The following KLHL18 variants were observed in gnomAD, a reference collection of about 807,000 sequenced individuals.
KLHL18 encodes kelch-like protein 18.
KLHL18 carries 38 observed loss-of-function variants against 58.5 expected under a neutral mutation model. The ratio of observed to expected loss-of-function variants is 0.65; its 90% CI spans 0.50 to 0.85. KLHL18 has a LOEUF of 0.85. Among genes scored for constraint, KLHL18 ranks in the 40% least tolerant of loss-of-function variants. The pLI, the probability that KLHL18 is intolerant of heterozygous loss-of-function variation, is 0.00. For missense variants in KLHL18, 624 were observed against 778.4 expected, an observed-to-expected ratio of 0.80 and a Z score of 2.36; for synonymous variants, 303 against 301.9, an observed-to-expected ratio of 1.00 and a Z score of -0.04.
At position 47,338,969 on chromosome 3, in the gene KLHL18, G is replaced by A. The variant is rs543956621; in HGVS notation, c.1122-1603G>A. On this transcript the variant is annotated intron_variant, in intron 7 of 9. Coordinates refer to ENST00000232766, the MANE Select transcript of KLHL18 (RefSeq NM_025010.5). ...ATTTGTGCTGAATTCCTTATAAGGC[G>A]TTGTGTAGGAGGGAAGATTACATGA... 44 of 152,314 alleles carry A rather than the reference G, an allele frequency of 2.9e-4. 1 individual carries two copies. Among genetic ancestry groups the A allele is most frequent in the Admixed American group, 1.3e-3 (20 of 15,302 alleles). The allele number at this position is 152,314 out of a possible 1,614,324, so 9.4% of individuals were successfully genotyped here. A position where few individuals can be genotyped will look rare whatever the true frequency, so the allele number is the denominator to read the frequency against.
At chr3:47,323,584 G>T (rs1033033711) in intron 3 of KLHL18, among the ~76,000 whole-genome samples, 5 of 152,128 alleles carry the variant, frequency 3.3e-5, no homozygotes, top group Admixed American at 6.6e-5. Context: ...TGCCTGAGCA[G>T]TTAAGAAGGC....
At chr3:47,303,336 G>A (rs1358996994) in intron 1 of KLHL18, among the ~76,000 whole-genome samples, 1 of 152,178 alleles carries the variant, frequency 6.6e-6, no homozygotes, top group East Asian at 1.9e-4. Flanking sequence ...TTTAGAGGCT[G>A]AGTTAGAGAC....
At chr3:47,329,372 C>T (rs935181150) in intron 3 of KLHL18, among the ~76,000 whole-genome samples, 5 of 152,036 alleles carry the variant, frequency 3.3e-5, no homozygotes, top group African/African-American at 7.2e-5. Flanking sequence ...GGACTACAGG[C>T]GCCCGCCACC....
chr3:47,300,043 T>A (rs1035160218), intron 1 of KLHL18, among the ~76,000 whole-genome samples: 8 of 150,528 alleles, frequency 5.3e-5, no homozygotes, highest in African/African-American at 1.9e-4. Flanking sequence ...TTTCTCTGTC[T>A]CTCCCCGCCA....
chr3:47,320,752 A>C (rs1703566279), intron 2 of KLHL18, among the ~76,000 whole-genome samples: 2 of 150,354 alleles, frequency 1.3e-5, no homozygotes, highest in Non-Finnish European at 2.9e-5. Flanking sequence ...CATCTTTATA[A>C]AAAAAAATTG....
intron 1 of KLHL18, among the ~76,000 whole-genome samples, chr3:47,318,573 G>A (rs1187298306): frequency 6.6e-6 from 1 of 152,152 alleles, no homozygotes; most frequent in East Asian, 1.9e-4. Context: ...CTATTTAGAG[G>A]TTGGGTACCA....
intron 1 of KLHL18, among the ~76,000 whole-genome samples, chr3:47,312,547 G>A (rs1157892154): frequency 6.6e-6 from 1 of 152,156 alleles, no homozygotes; most frequent in Non-Finnish European, 1.5e-5. Context: ...GGGAAGAGGG[G>A]AGATTTGAGG....
chr3:47,301,551 C>T (rs1230313361), intron 1 of KLHL18, among the ~76,000 whole-genome samples: 1 of 152,172 alleles, frequency 6.6e-6, no homozygotes, highest in African/African-American at 2.4e-5. Flanking sequence ...GAGGTTACCT[C>T]TGGGTTCTCT....
chr3:47,334,628 C>T lies in KLHL18; in HGVS notation c.762-55C>T, dbSNP rs765946131. Reference sequence around the variant, plus strand: ...GGAGAGCCAGGCTCAGAGATGCAAACGAGGACTAAGTCAGGGGGATACCTC... The same window carrying T: ...GGAGAGCCAGGCTCAGAGATGCAAATGAGGACTAAGTCAGGGGGATACCTC... On this transcript the variant is annotated intron_variant, in intron 5 of 9. Transcript: ENST00000232766. This position sits in a 1 kb window ranked among gnomAD's most constrained non-coding sequence, Gnocchi z 4.7. The T allele has an allele frequency of 1.6e-5, 26 of 1,594,552 alleles. No homozygotes were observed. Among genetic ancestry groups the T allele is most frequent in the African/African-American group, 9.4e-5 (7 of 74,586 alleles).
At chr3:47,328,600 C>T (rs774014284) in intron 3 of KLHL18, among the ~76,000 whole-genome samples, 5 of 151,996 alleles carry the variant, frequency 3.3e-5, no homozygotes, top group South Asian at 2.1e-4. Context: ...GCCAGGCTAC[C>T]GTGGGAATGT....
Position 47,333,672 on chromosome 3 carries a change from A to G in KLHL18, c.761+355A>G, listed in dbSNP as rs1294545435. Among the ~76,000 whole-genome samples the G allele has an allele frequency of 2.6e-5, 4 of 152,336 alleles. No homozygotes were observed. In the East Asian group the frequency reaches 5.8e-4, roughly 22 times the overall value. On this transcript the variant is annotated intron_variant, in intron 5 of 9. Transcript: ENST00000232766. Reference sequence around the variant, plus strand: ...CACCAGCAGCTCACTCAGTGGCGCAAATGGGACTTCCTGGGGCTCATTGCC... The same window carrying G: ...CACCAGCAGCTCACTCAGTGGCGCAGATGGGACTTCCTGGGGCTCATTGCC...
chr3:47,283,181 A>T, intron 1 of KLHL18, 87 bp downstream of exon 1: 2 of 738,564 alleles, frequency 2.7e-6, no homozygotes, highest in Admixed American at 2.9e-5. Flanking sequence ...AGAGAGGTCT[A>T]GCAGGGAGAG....
chr3:47,345,772 G>C lies in KLHL18; in HGVS notation c.*1831G>C, dbSNP rs1280463990. 6.6e-6 allele frequency: 1 copy of C among 152,646 alleles called. No individual in the cohort carries two copies. Among genetic ancestry groups the C allele is most frequent in the Non-Finnish European group, 1.5e-5 (1 of 68,052 alleles). 9.5% of individuals were successfully genotyped at this position (152,646 alleles called of 1,614,324 possible). A position where few individuals can be genotyped will look rare whatever the true frequency, so the allele number is the denominator to read the frequency against. On this transcript the variant is annotated 3_prime_UTR_variant, in exon 10 of 10. Coordinates refer to ENST00000232766, the MANE Select transcript of KLHL18 (RefSeq NM_025010.5). ...CCTGTTCAGAAAGGCACAATGTGGA[G>C]CCTGGGGTGTCTCCCCCACCCCAGG...
At chr3:47,333,500 C>T (rs1441209665) in intron 5 of KLHL18, among the ~76,000 whole-genome samples, 183 bp downstream of exon 5, 1 of 152,242 alleles carries the variant, frequency 6.6e-6, no homozygotes, top group Non-Finnish European at 1.5e-5. Flanking sequence ...GAATCTTATG[C>T]CTTGGGCAGA....
At chr3:47,315,203 A>G (rs1703391669) in intron 1 of KLHL18, among the ~76,000 whole-genome samples, 3 of 152,284 alleles carry the variant, frequency 2.0e-5, no homozygotes, top group South Asian at 4.2e-4. Context: ...CGGGGGAGAA[A>G]CTGAGAAGGA....
In KLHL18 at chr3:47,336,607, C is replaced by T. The variant is rs1703990490; in HGVS notation, c.971C>T (p.Thr324Ile). The T allele has an allele frequency of 6.2e-7, 1 of 1,614,274 alleles. No homozygotes were observed. The highest frequency in any genetic ancestry group is 8.5e-7 in the Non-Finnish European group (1 of 1,180,052). The change falls in exon 7 of 10, where the codon ACA (threonine) becomes ATA (isoleucine). Residue 324 changes from threonine to isoleucine, a missense_variant. Physicochemically the swap from Thr to Ile is moderately conservative, Grantham distance 89. Coordinates refer to ENST00000232766, the MANE Select transcript of KLHL18 (RefSeq NM_025010.5). ...NCWERCRPMT[T>I]ARSRVGVAVV... ...TGGGAGAGATGCCGTCCCATGACAA[C>T]AGCCCGCAGCCGCGTTGGCGTGGCT...
At chr3:47,296,350 C>G (rs1053865486) in intron 1 of KLHL18, among the ~76,000 whole-genome samples, 3 of 152,194 alleles carry the variant, frequency 2.0e-5, no homozygotes, top group Admixed American at 2.0e-4. Context: ...ATTACCTTAA[C>G]TAACCCCTGA....
intron 1 of KLHL18, among the ~76,000 whole-genome samples, chr3:47,301,561 T>C (rs763469478): frequency 6.6e-6 from 1 of 152,222 alleles, no homozygotes; most frequent in Non-Finnish European, 1.5e-5. Flanking sequence ...CTGGGTTCTC[T>C]ATTCTGTTCT....
At chr3:47,336,856 T>A in intron 7 of KLHL18, 99 bp downstream of exon 7, 1 of 977,492 alleles carries the variant, frequency 1.0e-6, no homozygotes, top group South Asian at 1.5e-5. Context: ...AAATACAAGC[T>A]TTGGCCTGGG....
Sources: allele counts gnomAD v4.1 joint callset (sites outside exome capture counted in the v4.1 genomes callset), GRCh38; gene constraint gnomAD v4.1.1; non-coding constraint Gnocchi (gnomAD v3.1); transcripts MANE v1.5; gene names NCBI Gene and HGNC (gene_info 2026-07-23, HGNC 2026-07-21).